Variants in DAB1 observed in about 807,000 individuals in gnomAD.
DAB1 encodes disabled homolog 1.
A neutral mutation model predicts 64.6 loss-of-function variants in DAB1; 15 were observed. The ratio of observed to expected loss-of-function variants is 0.23; its 90% CI spans 0.16 to 0.36. The LOEUF is 0.36. DAB1 is among the 10% of genes least tolerant of loss of function. The probability of loss-of-function intolerance (pLI) is 1.00; values close to 1 mark genes in which losing one functional copy is unlikely to be tolerated. For missense variants in DAB1, 596 were observed against 706.7 expected, an observed-to-expected ratio of 0.84 and a Z score of 1.78; for synonymous variants, 235 against 251.9, an observed-to-expected ratio of 0.93 and a Z score of 0.64.
intron 6 of DAB1, among the ~76,000 whole-genome samples, chr1:57,717,183 G>A (rs926686273): frequency 6.6e-6 from 1 of 151,836 alleles, no homozygotes; most frequent in Non-Finnish European, 1.5e-5. Context: ...TATGTGGTGA[G>A]CCGAGACCGC....
chr1:57,635,451 A>C (rs1646040978), intron 7 of DAB1, among the ~76,000 whole-genome samples: 1 of 152,006 alleles, frequency 6.6e-6, no homozygotes, highest in African/African-American at 2.4e-5. Context: ...TTAGGTTCTC[A>C]TGGGAGTGTG....
At chr1:57,012,101 T>A (rs911681131) in intron 12 of DAB1, among the ~76,000 whole-genome samples, 1 of 152,172 alleles carries the variant, frequency 6.6e-6, no homozygotes, top group Non-Finnish European at 1.5e-5. Flanking sequence ...AAATTCTAAT[T>A]TGTCACTGAA....
At chr1:57,140,024 A>G (rs1658448959) in intron 3 of DAB1, among the ~76,000 whole-genome samples, 2 of 152,184 alleles carry the variant, frequency 1.3e-5, no homozygotes, top group Admixed American at 1.3e-4. Context: ...CACTCAGTCT[A>G]GAGTGGGCCT....
At chr1:57,995,599 A>C (rs1646412287) in intron 5 of DAB1, among the ~76,000 whole-genome samples, 2 of 152,208 alleles carry the variant, frequency 1.3e-5, no homozygotes, top group African/African-American at 4.8e-5. Flanking sequence ...AGTTAGAGTA[A>C]TTAGTATTAA....
At chr1:57,204,497 T>C (rs1665382101) in intron 2 of DAB1, among the ~76,000 whole-genome samples, 1 of 150,492 alleles carries the variant, frequency 6.6e-6, no homozygotes, top group Admixed American at 6.6e-5. Flanking sequence ...ACTCTAAGAG[T>C]TGACATCAGC....
At chr1:58,471,998 T>C (rs781676224) in intron 3 of DAB1, among the ~76,000 whole-genome samples, 16 of 152,256 alleles carry the variant, frequency 1.1e-4, no homozygotes, top group Non-Finnish European at 1.5e-4. Flanking sequence ...AATTGGATAA[T>C]ATATGCAAAG....
chr1:57,336,989 CACAA>C (rs1016554608), intron 1 of DAB1, among the ~76,000 whole-genome samples: 104 of 152,182 alleles, frequency 6.8e-4, no homozygotes, highest in Non-Finnish European at 8.1e-4. Flanking sequence ...AGGTAGTACT[CACAA>C]ACAGAGAGTG....
intron 5 of DAB1, among the ~76,000 whole-genome samples, chr1:57,897,762 T>G (rs1420045507): frequency 1.3e-5 from 2 of 152,154 alleles, no homozygotes; most frequent in East Asian, 3.9e-4. Context: ...GGAGGAGCTT[T>G]GGACACCTTG....
At chr1:57,387,850 A>G (rs760008348) in intron 1 of DAB1, among the ~76,000 whole-genome samples, 70 of 151,556 alleles carry the variant, frequency 4.6e-4, no homozygotes, top group Non-Finnish European at 9.7e-4. Context: ...GAGAGAGAAA[A>G]CTGAGGTACA....
At chr1:57,685,960 A>G (rs1646692331) in intron 6 of DAB1, among the ~76,000 whole-genome samples, 1 of 152,184 alleles carries the variant, frequency 6.6e-6, no homozygotes, top group Non-Finnish European at 1.5e-5. Flanking sequence ...AAGAAGTTAG[A>G]AAGATCTCAA....
At chr1:57,385,074 T>C (rs1364955454) in intron 1 of DAB1, among the ~76,000 whole-genome samples, 2 of 152,080 alleles carry the variant, frequency 1.3e-5, no homozygotes, top group South Asian at 2.1e-4. Flanking sequence ...TAATGAACAA[T>C]ACACAGATTG....
intron 4 of DAB1, among the ~76,000 whole-genome samples, chr1:57,121,079 A>G (rs1656595710): frequency 6.6e-6 from 1 of 151,588 alleles, no homozygotes; most frequent in African/African-American, 2.4e-5. Context: ...GAGACAGGAG[A>G]AGAATGTCCT....
At chr1:57,252,209 A>G (rs1669395513) in intron 2 of DAB1, among the ~76,000 whole-genome samples, 1 of 152,202 alleles carries the variant, frequency 6.6e-6, no homozygotes, top group Non-Finnish European at 1.5e-5. Flanking sequence ...ATCACTGACT[A>G]ATTATCAGCG....
At chr1:57,441,730 A>G (rs1245842285) in intron 7 of DAB1, among the ~76,000 whole-genome samples, 4 of 152,096 alleles carry the variant, frequency 2.6e-5, no homozygotes, top group Non-Finnish European at 5.9e-5. Context: ...TGTGATTGTG[A>G]CTATAATAGT....
intron 4 of DAB1, among the ~76,000 whole-genome samples, chr1:57,136,308 C>G (rs1465838202): frequency 6.6e-6 from 1 of 152,150 alleles, no homozygotes; most frequent in Non-Finnish European, 1.5e-5. Context: ...CATCAGATTA[C>G]CAGGATAGTG....
At chr1:57,971,739 A>G (rs1645801469) in intron 5 of DAB1, among the ~76,000 whole-genome samples, 1 of 152,248 alleles carries the variant, frequency 6.6e-6, no homozygotes, top group Non-Finnish European at 1.5e-5. Context: ...ATATTTGTAA[A>G]GAAGTGTAGC....
intron 6 of DAB1, among the ~76,000 whole-genome samples, chr1:57,705,348 T>A (rs1646954833): frequency 6.6e-6 from 1 of 152,192 alleles, no homozygotes; most frequent in African/African-American, 2.4e-5. Context: ...GTAGCATATA[T>A]CTGGATTTTT....
chr1:57,945,428 GTTA>G (rs143711609), intron 5 of DAB1, among the ~76,000 whole-genome samples: 2,612 of 123,764 alleles, frequency 0.021, 63 homozygotes, highest in African/African-American at 0.086. Flanking sequence ...CTTGCTAATT[GTTA>G]TTATTATTAT....
chr1:57,156,139 T>C (rs1422466612), intron 2 of DAB1, among the ~76,000 whole-genome samples: 3 of 152,156 alleles, frequency 2.0e-5, no homozygotes, highest in African/African-American at 4.8e-5. Context: ...TCACAGTAGA[T>C]GTGCCTCCGC....
Sources: gnomAD v4.1 joint callset for allele counts (sites outside exome capture counted in the v4.1 genomes callset) on GRCh38, gnomAD v4.1.1 for gene constraint, MANE v1.5 for transcripts, NCBI Gene and HGNC (gene_info 2026-07-23, HGNC 2026-07-21) for gene names.